The following PRKG1 variants were observed in gnomAD, a reference collection of about 807,000 sequenced individuals.
PRKG1 encodes the protein cGMP-dependent protein kinase 1.
PRKG1 carries 35 observed loss-of-function variants against 88.1 expected under a neutral mutation model. That is an observed-to-expected ratio of 0.40 (90% CI 0.30 to 0.53). The LOEUF (loss-of-function observed/expected upper bound fraction) is 0.53. Among genes scored for constraint, PRKG1 ranks in the 20% least tolerant of loss-of-function variants. PRKG1 has a pLI of 0.59. For missense variants in PRKG1, 540 were observed against 839.8 expected, an observed-to-expected ratio of 0.64 and a Z score of 4.41; for synonymous variants, 303 against 292.5, an observed-to-expected ratio of 1.04 and a Z score of -0.37.
At chr10:51,232,246 T>G (rs1008794326) in intron 2 of PRKG1, among the ~76,000 whole-genome samples, 2 of 152,220 alleles carry the variant, frequency 1.3e-5, no homozygotes, top group Non-Finnish European at 2.9e-5. Flanking sequence ...CAGCTGAACC[T>G]CTGTGCTAGT....
chr10:51,087,498 C>A (rs1291464802), intron 1 of PRKG1, among the ~76,000 whole-genome samples: 1 of 152,178 alleles, frequency 6.6e-6, no homozygotes, highest in Non-Finnish European at 1.5e-5. Context: ...TGAAGTGCTG[C>A]AATGCAGGGT....
intron 2 of PRKG1, among the ~76,000 whole-genome samples, chr10:51,369,276 A>C (rs1398129833): frequency 6.6e-6 from 1 of 152,010 alleles, no homozygotes; most frequent in African/African-American, 2.4e-5. Flanking sequence ...AGTTGAGGAG[A>C]CTTGGAAGTC....
At position 51,744,863 on chromosome 10, in the gene PRKG1, C is replaced by T. The variant is rs1589252331; in HGVS notation, c.593-59722C>T. On this transcript the variant is annotated intron_variant, in intron 3 of 17. Coordinates refer to ENST00000373980, the MANE Select transcript of PRKG1 (RefSeq NM_006258.4). ...GAGAGCTTCATGAAAGATTAATCTG[C>T]AAAACAGCTACCATCGAAGTGGGAA... Among the ~76,000 whole-genome samples the T allele has an allele frequency of 2.6e-5, 4 of 152,126 alleles. No individual in the cohort carries two copies. The South Asian group carries it at 8.3e-4, about 32-fold the overall frequency.
rs148384182 is a variant in PRKG1 at position 52,286,309 on chromosome 10, C to G, written c.1710-2417C>G. 2.3e-3 allele frequency among the ~76,000 whole-genome samples: 343 copies of G among 152,090 alleles called. 1 individual carries two copies. The highest frequency in any genetic ancestry group is 7.5e-3 in the African/African-American group (310 of 41,510). The stretch of plus-strand genomic sequence containing the variant: ...TCAAGAACTACGTAGTTCTGAGGGT[C>G]AGAGAAGGTATAACCCAAGTAATTT... On this transcript the variant is annotated intron_variant, in intron 14 of 17. Transcript: ENST00000373980.
intron 5 of PRKG1, among the ~76,000 whole-genome samples, chr10:51,939,951 T>G (rs1157812153): frequency 6.6e-6 from 1 of 151,938 alleles, no homozygotes; most frequent in Non-Finnish European, 1.5e-5. Context: ...CCTAGAAAAT[T>G]TAAAACATTC....
chr10:51,905,170 T>G (rs1178499574), intron 4 of PRKG1, among the ~76,000 whole-genome samples: 1 of 152,182 alleles, frequency 6.6e-6, no homozygotes, highest in Admixed American at 6.5e-5. Context: ...TCTATCTCCT[T>G]CTGTCTTTAT....
At chr10:51,210,361 C>A (rs1411010842) in intron 2 of PRKG1, among the ~76,000 whole-genome samples, 2 of 151,958 alleles carry the variant, frequency 1.3e-5, no homozygotes, top group East Asian at 1.9e-4. Flanking sequence ...CAAGAGAAAG[C>A]AGGAAAGATC....
chr10:51,962,336 A>G (rs969467688), intron 5 of PRKG1, among the ~76,000 whole-genome samples: 2 of 152,028 alleles, frequency 1.3e-5, no homozygotes, highest in Non-Finnish European at 2.9e-5. Context: ...GCTTCCCCCT[A>G]TTATAGCTGT....
intron 4 of PRKG1, among the ~76,000 whole-genome samples, chr10:51,816,400 T>C (rs1028552031): frequency 2.0e-5 from 3 of 152,162 alleles, no homozygotes; most frequent in Admixed American, 2.0e-4. Flanking sequence ...CTTGTAAACT[T>C]TTTATAGAAT....
chr10:51,366,678 T>C (rs1842596852), intron 2 of PRKG1, among the ~76,000 whole-genome samples: 3 of 152,068 alleles, frequency 2.0e-5, no homozygotes, highest in South Asian at 4.2e-4. Flanking sequence ...TAAATGTTTG[T>C]GTGTATTTGT....
At chr10:51,693,355 C>G (rs1841195358) in intron 3 of PRKG1, among the ~76,000 whole-genome samples, 1 of 149,682 alleles carries the variant, frequency 6.7e-6, no homozygotes, top group Admixed American at 6.7e-5. Context: ...ATTTAATAAG[C>G]ACCAGGTTTG....
At chr10:52,270,325 A>G (rs1841686515) in intron 10 of PRKG1, among the ~76,000 whole-genome samples, 1 of 152,130 alleles carries the variant, frequency 6.6e-6, no homozygotes, top group Admixed American at 6.6e-5. Context: ...TTCCTCACAG[A>G]TCTAGAACTA....
rs193288887 is a variant in PRKG1, at chr10:51,619,018, C to T, written c.592+151182C>T. Among the ~76,000 whole-genome samples, 204 of 150,170 alleles carry T rather than the reference C, an allele frequency of 1.4e-3. 1 individual carries two copies. The highest frequency in any genetic ancestry group is 4.7e-3 in the African/African-American group (193 of 40,846). Reference sequence around the variant, plus strand: ...TCTCCATCCCCTGACCTCAAGCAATCCACCTGCCTCGGCCTCCCAAAGTGC... The same window carrying T: ...TCTCCATCCCCTGACCTCAAGCAATTCACCTGCCTCGGCCTCCCAAAGTGC... On this transcript the variant is annotated intron_variant, in intron 3 of 17. Coordinates refer to ENST00000373980, the MANE Select transcript of PRKG1 (RefSeq NM_006258.4).
At chr10:51,461,600 A>G (rs180923651) in intron 2 of PRKG1, among the ~76,000 whole-genome samples, 1 of 152,304 alleles carries the variant, frequency 6.6e-6, no homozygotes, top group East Asian at 1.9e-4. Context: ...CTAGGGGGCA[A>G]GAGTTCAGAT....
At chr10:51,855,768 C>G (rs892323548) in intron 4 of PRKG1, among the ~76,000 whole-genome samples, 2 of 152,148 alleles carry the variant, frequency 1.3e-5, no homozygotes, top group African/African-American at 4.8e-5. Context: ...AAGTAAATTC[C>G]TGTCAGTTTT....
intron 2 of PRKG1, among the ~76,000 whole-genome samples, chr10:51,393,388 G>A: frequency 6.7e-6 from 1 of 150,278 alleles, no homozygotes; most frequent in Admixed American, 6.6e-5. Flanking sequence ...TGGGCAGCCA[G>A]GCAGAGGGAC....
chr10:51,424,161 C>T (rs1838502438), intron 2 of PRKG1, among the ~76,000 whole-genome samples: 2 of 152,094 alleles, frequency 1.3e-5, no homozygotes, highest in South Asian at 4.1e-4. Context: ...ATAAAAGAAT[C>T]TGAAGCCCAG....
rs1286586966 is a variant in PRKG1 at position 51,794,420 on chromosome 10, G to A, written c.593-10165G>A. Among the ~76,000 whole-genome samples, 22 of 152,042 alleles carry A rather than the reference G, an allele frequency of 1.4e-4. 1 individual carries two copies. Among genetic ancestry groups the A allele is most frequent in the Admixed American group, 1.4e-3 (22 of 15,248 alleles). On this transcript the variant is annotated intron_variant, in intron 3 of 17. Transcript: ENST00000373980. ...GTAGAATACTTCTCAACTACACGTG[G>A]AACTCTCTTTAGCATAGATTACATG...
chr10:51,670,560 C>A (rs891999405), intron 3 of PRKG1, among the ~76,000 whole-genome samples: 20 of 149,448 alleles, frequency 1.3e-4, no homozygotes, highest in African/African-American at 4.6e-4. Context: ...AACGGTGAAA[C>A]CCCGTCTCTA....
Sources: gnomAD v4.1 joint callset for allele counts (sites outside exome capture counted in the v4.1 genomes callset) on GRCh38, gnomAD v4.1.1 for gene constraint, MANE v1.5 for transcripts, NCBI Gene and HGNC (gene_info 2026-07-23, HGNC 2026-07-21) for gene names.